TUBGCP2: variants seen among roughly 807,000 people sequenced by gnomAD.
The protein encoded by TUBGCP2 is tubulin gamma complex component 2, also known as gamma-tubulin complex component 2.
Under a neutral mutation model 92.2 loss-of-function variants are expected in TUBGCP2, and 55 were observed. The observed-to-expected ratio is 0.60, with a 90% CI of 0.48 to 0.75. TUBGCP2 has a LOEUF of 0.75. Ranked by LOEUF, TUBGCP2 falls within the 30% of genes least tolerant of loss-of-function variation. The probability of loss-of-function intolerance (pLI) is 0.00; values close to 1 mark genes in which losing one functional copy is unlikely to be tolerated. For synonymous variants in TUBGCP2, 533 were observed against 505.2 expected, an observed-to-expected ratio of 1.06 and a Z score of -0.74; for missense variants, 1,093 against 1,188.9, an observed-to-expected ratio of 0.92 and a Z score of 1.19.
Position 133,308,310 on chromosome 10 carries a change from G to C in TUBGCP2, c.-40+513C>G, listed in dbSNP as rs531395454. The stretch of plus-strand genomic sequence containing the variant: ...ACCTAGCACAGGTCCTGTGTTTCAC[G>C]GGAGCTGCGGGGACTGGAGAGGTCG... On this transcript the variant is annotated intron_variant, in intron 1 of 17. Transcript: ENST00000252936. Among the ~76,000 whole-genome samples, 5 of 152,336 alleles carry C rather than the reference G, an allele frequency of 3.3e-5. No individual in the cohort carries two copies. In the East Asian group the frequency reaches 9.6e-4, roughly 29 times the overall value.
rs751424391 is a variant in TUBGCP2 at position 133,283,236 on chromosome 10, C to G, written c.2146-15G>C. The G allele has an allele frequency of 2.5e-6, 4 of 1,613,748 alleles. No homozygotes were observed. Among genetic ancestry groups the G allele is most frequent in the Non-Finnish European group, 3.4e-6 (4 of 1,179,690 alleles). On this transcript the variant is annotated splice_polypyrimidine_tract_variant and intron_variant, in intron 14 of 17. Transcript: ENST00000252936. ...ATGTTGGAGGCCTGCGGGGAACAGG[C>G]CAAGCCCCTTCTCAGAAAGACGTGG...
Position 133,308,822 on chromosome 10 carries a change from C to T in TUBGCP2, c.-40+1G>A. On this transcript the variant is annotated splice_donor_variant, in intron 1 of 17. Coordinates refer to ENST00000252936, the MANE Select transcript of TUBGCP2 (RefSeq NM_006659.4). LOFTEE classifies it low-confidence loss of function (5UTR_SPLICE). The stretch of plus-strand genomic sequence containing the variant: ...CGCGCCCGCGTTCGGCCAGGACTCA[C>T]CGCAGTCCCGGAGCCACAGCCCCCG... 1.2e-6 allele frequency: 1 copy of T among 862,882 alleles called. No individual in the cohort carries two copies. The highest frequency in any genetic ancestry group is 1.5e-6 in the Non-Finnish European group (1 of 663,802). 53.5% of individuals were successfully genotyped at this position (862,882 alleles called of 1,614,324 possible). A position where few individuals can be genotyped will look rare whatever the true frequency, so the allele number is the denominator to read the frequency against.
chr10:133,308,936 C>A (rs982056716), upstream of TUBGCP2: 27 of 1,223,568 alleles, frequency 2.2e-5, no homozygotes, highest in African/African-American at 3.9e-4. Flanking sequence ...CCGCCCGCGC[C>A]CGGGGTGATG....
In TUBGCP2 at chr10:133,279,675, C is replaced by G; in HGVS notation, c.*91G>C. ...CTGCTTTATATTTAAACTGCAAAGA[C>G]AGAACACAGAGCATTCGATTTGAAA... On this transcript the variant is annotated 3_prime_UTR_variant, in exon 18 of 18. Transcript: ENST00000252936. 1 of 1,434,836 alleles carries G rather than the reference C, an allele frequency of 7.0e-7. No homozygotes were observed. Among genetic ancestry groups the G allele is most frequent in the African/African-American group, 1.5e-5 (1 of 68,242 alleles). 88.9% of individuals were successfully genotyped at this position (1,434,836 alleles called of 1,614,324 possible).
chr10:133,302,465 AC>A (rs1847691765), intron 2 of TUBGCP2: 1 of 304,410 alleles, frequency 3.3e-6, no homozygotes, highest in African/African-American at 2.5e-5. Flanking sequence ...TGCCCCCTGC[AC>A]CAGAGGTGGC....
In TUBGCP2 at chr10:133,293,607, A is replaced by G; in HGVS notation, c.779T>C (p.Val260Ala). The part of the protein sequence containing the change: ...PNLDLSIREL[V>A]HRILPVAASY... ...GGCGGCCACTGGGAGGATCCTGTGC[A>G]CCAGCTCCCTGATGGACAGGTCCAG... Residue 260 changes from valine (V) to alanine (A), a missense_variant, in exon 6 of 18, where the codon GTG becomes GCG. By Grantham distance (64) the Val-to-Ala change is moderately conservative. This residue lies in a region of TUBGCP2 where 490 missense variants were observed against 488.5 expected (regional missense o/e 1.00). Coordinates refer to ENST00000252936, the MANE Select transcript of TUBGCP2 (RefSeq NM_006659.4). The G allele has an allele frequency of 6.4e-7, 1 of 1,561,888 alleles. No individual in the cohort carries two copies. The highest frequency in any genetic ancestry group is 8.7e-7 in the Non-Finnish European group (1 of 1,153,190).
chr10:133,282,185 G>A (rs773147247), intron 16 of TUBGCP2, 38 bp downstream of exon 16: 13 of 1,610,236 alleles, frequency 8.1e-6, no homozygotes, highest in Non-Finnish European at 1.1e-5. Context: ...CAGCCGGGAG[G>A]AAGCGTCTCT....
Position 133,282,352 on chromosome 10 carries a change from G to C in TUBGCP2, c.2290-10C>G, listed in dbSNP as rs372509653. Reference sequence around the variant, plus strand: ...TGCTCTGTGTAAATTTCTAGGGGGGGAGAGTCGCAAGGAAATGCTTCTGTT... The same window carrying C: ...TGCTCTGTGTAAATTTCTAGGGGGGCAGAGTCGCAAGGAAATGCTTCTGTT... On this transcript the variant is annotated splice_polypyrimidine_tract_variant and intron_variant, in intron 15 of 17. Coordinates refer to ENST00000252936, the MANE Select transcript of TUBGCP2 (RefSeq NM_006659.4). The C allele has an allele frequency of 1.7e-4, 270 of 1,580,758 alleles. No individual in the cohort carries two copies. Among genetic ancestry groups the C allele is most frequent in the Non-Finnish European group, 2.2e-4 (260 of 1,163,706 alleles).
At chr10:133,286,471 C>T (rs1296977264) in intron 11 of TUBGCP2, among the ~76,000 whole-genome samples, 1 of 152,250 alleles carries the variant, frequency 6.6e-6, no homozygotes, top group Non-Finnish European at 1.5e-5. Flanking sequence ...CGGTGCCCTA[C>T]TTCTAACCAC....
Position 133,283,964 on chromosome 10 carries a change from T to C in TUBGCP2, c.2063A>G (p.Asn688Ser), listed in dbSNP as rs1307454468. The C allele has an allele frequency of 2.5e-6, 4 of 1,614,032 alleles. No homozygotes were observed. The highest frequency in any genetic ancestry group is 1.7e-5 in the Admixed American group (1 of 60,004). ...GAFTLRQRML[N>S]FVQNIQYYMM... Reference sequence around the variant, plus strand: ...GTAGTATTGAATATTCTGGACGAAGTTGAGCATTCGCTGCCGCAGAGTGAA... The same window carrying C: ...GTAGTATTGAATATTCTGGACGAAGCTGAGCATTCGCTGCCGCAGAGTGAA... The change falls in exon 14 of 18, where the codon AAC becomes AGC. Residue 688 changes from asparagine to serine, a missense_variant. Physicochemically the swap from Asn to Ser is conservative, Grantham distance 46. This residue lies in a region of TUBGCP2 where 598 missense variants were observed against 675.5 expected (regional missense o/e 0.89). Coordinates refer to ENST00000252936, the MANE Select transcript of TUBGCP2 (RefSeq NM_006659.4).
At chr10:133,305,101 G>A (rs955475496) in intron 1 of TUBGCP2, among the ~76,000 whole-genome samples, 30 of 152,228 alleles carry the variant, frequency 2.0e-4, no homozygotes, top group African/African-American at 6.7e-4. Flanking sequence ...AGGCCCGCCC[G>A]CAGTTATCCG....
At chr10:133,310,326 A>T, upstream of TUBGCP2, 2 of 1,611,402 alleles carry the variant, frequency 1.2e-6, no homozygotes, top group South Asian at 2.2e-5. Context: ...TCTGCTTTTG[A>T]TTTTAGGAAA....
At chr10:133,310,154 T>C, upstream of TUBGCP2, 1 of 1,613,674 alleles carries the variant, frequency 6.2e-7, no homozygotes, top group South Asian at 1.1e-5. Flanking sequence ...TGACACGGTC[T>C]CCATTTCAGT....
At chr10:133,287,638 A>T (rs897601389) in intron 11 of TUBGCP2, among the ~76,000 whole-genome samples, 3 of 31,456 alleles carry the variant, frequency 9.5e-5, no homozygotes, top group African/African-American at 3.2e-4. Context: ...GCTACTCGGG[A>T]GGCTGAGGTA....
At chr10:133,280,415 G>A (rs1343841832) in intron 17 of TUBGCP2, among the ~76,000 whole-genome samples, 2 of 152,156 alleles carry the variant, frequency 1.3e-5, no homozygotes, top group Non-Finnish European at 2.9e-5. Context: ...TGGTCCAAAA[G>A]CACAAATAGG....
At chr10:133,298,927 G>T (rs11598342) in intron 4 of TUBGCP2, among the ~76,000 whole-genome samples, 3,662 of 152,356 alleles carry the variant, frequency 0.024, 57 homozygotes, top group Non-Finnish European at 0.039. Flanking sequence ...CAGGAACGTG[G>T]CAGCTCTAAT....
At chr10:133,281,198 G>A in intron 17 of TUBGCP2, 75 bp downstream of exon 17, 5 of 1,538,744 alleles carry the variant, frequency 3.2e-6, no homozygotes, top group Admixed American at 1.7e-5. Flanking sequence ...GAAGGGCTGA[G>A]CCAGGGCGGT....
chr10:133,307,286 C>A (rs961176390), intron 1 of TUBGCP2, among the ~76,000 whole-genome samples: 17 of 152,210 alleles, frequency 1.1e-4, no homozygotes, highest in African/African-American at 3.6e-4. Flanking sequence ...CTGTGAGCTA[C>A]CGCAGGGACG....
intron 5 of TUBGCP2, among the ~76,000 whole-genome samples, chr10:133,296,652 A>C (rs1205587246): frequency 6.6e-6 from 1 of 151,610 alleles, no homozygotes; most frequent in Non-Finnish European, 1.5e-5. Flanking sequence ...TAATTTTCAC[A>C]TTTTTTGTAG....
Sources: allele counts gnomAD v4.1 joint callset (sites outside exome capture counted in the v4.1 genomes callset), GRCh38; gene constraint gnomAD v4.1.1; regional missense constraint gnomAD v4.1.1; transcripts MANE v1.5; gene names NCBI Gene and HGNC (gene_info 2026-07-23, HGNC 2026-07-21).